CPNE4: variants seen among roughly 807,000 people sequenced by gnomAD.
CPNE4 encodes the protein copine-4.
Under a neutral mutation model 67.9 loss-of-function variants are expected in CPNE4, and 25 were observed. The ratio of observed to expected loss-of-function variants is 0.37; its 90% CI spans 0.27 to 0.51. The LOEUF (loss-of-function observed/expected upper bound fraction) is 0.51. Among genes scored for constraint, CPNE4 ranks in the 20% least tolerant of loss-of-function variants. The pLI is 0.93. For missense variants in CPNE4, 464 were observed against 690.8 expected (o/e 0.67, Z 3.68); for synonymous variants, 242 against 244.9 (o/e 0.99, Z 0.11).
intron 2 of CPNE4, among the ~76,000 whole-genome samples, chr3:131,786,958 C>G (rs1016638154): frequency 2.0e-5 from 3 of 152,112 alleles, no homozygotes; most frequent in Admixed American, 1.3e-4. Context: ...AGCACATGCT[C>G]TCTCTGACTG....
chr3:131,652,011 C>T (rs780414294), intron 7 of CPNE4, among the ~76,000 whole-genome samples: 5 of 152,154 alleles, frequency 3.3e-5, no homozygotes, highest in Non-Finnish European at 7.3e-5. Context: ...TAGGCTTCTC[C>T]CATGCTCTCT....
intron 5 of CPNE4, among the ~76,000 whole-genome samples, chr3:131,686,252 T>C (rs1438358921): frequency 2.6e-5 from 4 of 152,216 alleles, no homozygotes; most frequent in East Asian, 3.8e-4. Flanking sequence ...ACTTGGTTAG[T>C]TGAAATTCAA....
At chr3:131,774,365 G>A (rs1237595779) in intron 2 of CPNE4, among the ~76,000 whole-genome samples, 1 of 151,392 alleles carries the variant, frequency 6.6e-6, no homozygotes. Context: ...CCTCTTTCTT[G>A]TAGACACAGG....
intron 2 of CPNE4, among the ~76,000 whole-genome samples, chr3:131,841,834 A>G (rs940652459): frequency 7.2e-5 from 11 of 152,184 alleles, no homozygotes; most frequent in African/African-American, 2.7e-4. Flanking sequence ...TGCAAAGTAA[A>G]CTATAAACAA....
chr3:131,587,448 G>C (rs768343117), intron 8 of CPNE4, 36 bp downstream of exon 8: 5 of 1,398,338 alleles, frequency 3.6e-6, no homozygotes, highest in Middle Eastern at 1.8e-4. Flanking sequence ...GCATCATACC[G>C]ACTGGAGGCA....
chr3:131,669,699 G>C lies in CPNE4; in HGVS notation c.657C>G (p.Ser219Arg), dbSNP rs570865724. The stretch of plus-strand genomic sequence containing the variant: ...CCTTTAGCCGGCGGTCTGGGTCTCC[G>C]CTGCATAGAGAATTTACAGATACTT... ...SFKVSVNSLC[S>R]GDPDRRLKCI... The change falls in exon 7 of 16, where the codon AGC (serine) becomes AGG (arginine). Residue 219 changes from serine to arginine, a missense_variant. This residue lies in a region of CPNE4 where 58 missense variants were observed against 63.5 expected (regional missense o/e 0.91). Transcript: ENST00000429747. The C allele has an allele frequency of 2.5e-6, 4 of 1,613,540 alleles. No homozygotes were observed. The highest frequency in any genetic ancestry group is 3.4e-6 in the Non-Finnish European group (4 of 1,179,608).
rs756114023 is a variant in CPNE4, at chr3:131,905,338, A to G, written c.106T>C (p.Ser36Pro). ...GGTTTGGAAAGGGCATCTCTGTCAG[A>G]AATGCCTTTGCACGCCACACGCAGC... is the stretch of plus-strand genomic sequence containing the variant. ...VELRVACKGI[S>P]DRDALSKPDP... The change falls in exon 2 of 16, where the codon TCT (serine) becomes CCT (proline). Residue 36 changes from serine to proline, a missense_variant. Coordinates refer to ENST00000429747, the MANE Select transcript of CPNE4 (RefSeq NM_130808.3). The G allele has an allele frequency of 6.2e-7, 1 of 1,613,644 alleles. No individual in the cohort carries two copies. The highest frequency in any genetic ancestry group is 8.5e-7 in the Non-Finnish European group (1 of 1,179,708).
intron 1 of CPNE4, among the ~76,000 whole-genome samples, chr3:131,991,476 C>T (rs1456121863): frequency 7.4e-6 from 1 of 135,772 alleles, no homozygotes; most frequent in Non-Finnish European, 1.7e-5. Flanking sequence ...AGACTGGCAG[C>T]ATTTGCCTTG....
chr3:131,733,585 A>G (rs2082172917), intron 2 of CPNE4, among the ~76,000 whole-genome samples: 2 of 152,148 alleles, frequency 1.3e-5, no homozygotes, highest in African/African-American at 4.8e-5. Flanking sequence ...CTGCCTCACA[A>G]AATTCATGCC....
chr3:131,612,307 G>A (rs539159644), intron 7 of CPNE4, among the ~76,000 whole-genome samples: 2 of 152,310 alleles, frequency 1.3e-5, no homozygotes, highest in Non-Finnish European at 2.9e-5. Context: ...CCAGGAGGTG[G>A]AGGTTGCAGT....
intron 2 of CPNE4, among the ~76,000 whole-genome samples, chr3:131,863,951 A>G (rs2086810629): frequency 6.6e-6 from 1 of 152,212 alleles, no homozygotes; most frequent in African/African-American, 2.4e-5. Context: ...AGCACCATTT[A>G]TTAAATAGGG....
At chr3:131,769,979 G>A (rs1335801617) in intron 2 of CPNE4, among the ~76,000 whole-genome samples, 1 of 152,086 alleles carries the variant, frequency 6.6e-6, no homozygotes, top group African/African-American at 2.4e-5. Context: ...CACTCAAGAT[G>A]AGTTTGCACA....
In CPNE4 at chr3:131,927,214, G is replaced by T. The variant is rs537726238; in HGVS notation, c.-1-21770C>A. On this transcript the variant is annotated intron_variant, in intron 1 of 15. Transcript: ENST00000429747. ...TTGTTTTCTCGTTTGTTTTTTGGTTGGTTTTGTTTTGCTTTTCAGAGAGTC... is the reference window on the plus strand; with the variant it reads ...TTGTTTTCTCGTTTGTTTTTTGGTTTGTTTTGTTTTGCTTTTCAGAGAGTC... Among the ~76,000 whole-genome samples, 7 of 152,178 alleles carry T rather than the reference G, an allele frequency of 4.6e-5. No homozygotes were observed. The East Asian group carries it at 1.4e-3, about 29-fold the overall frequency.
intron 1 of CPNE4, among the ~76,000 whole-genome samples, chr3:131,954,966 G>A (rs1222185415): frequency 1.0e-5 from 1 of 96,846 alleles, no homozygotes; most frequent in African/African-American, 3.5e-5. Flanking sequence ...ACGTATGCAT[G>A]TGAAAAAAAA....
chr3:131,592,348 C>G (rs1582858217), intron 7 of CPNE4, among the ~76,000 whole-genome samples: 1 of 152,190 alleles, frequency 6.6e-6, no homozygotes, highest in East Asian at 1.9e-4. Context: ...ACAACTAACA[C>G]TAGGTAATCC....
At chr3:131,881,755 A>C (rs2107718891) in intron 2 of CPNE4, among the ~76,000 whole-genome samples, 1 of 152,320 alleles carries the variant, frequency 6.6e-6, no homozygotes, top group East Asian at 1.9e-4. Flanking sequence ...AAGAACTGAG[A>C]AAAAGGGAAA....
intron 7 of CPNE4, among the ~76,000 whole-genome samples, chr3:131,604,872 C>A (rs760539749): frequency 2.7e-4 from 41 of 152,090 alleles, no homozygotes; most frequent in Admixed American, 4.6e-4. Context: ...TCAGAGGTCA[C>A]AACTCCCCAA....
intron 6 of CPNE4, among the ~76,000 whole-genome samples, chr3:131,683,635 G>A (rs2107677153): frequency 6.6e-6 from 1 of 152,262 alleles, no homozygotes; most frequent in South Asian, 2.1e-4. Context: ...GAGGGGTGGT[G>A]CAGGCATTCC....
In CPNE4 at chr3:131,723,531, C is replaced by A. The variant is rs775205253; in HGVS notation, c.275G>T (p.Arg92Leu). The A allele has an allele frequency of 6.2e-7, 1 of 1,614,006 alleles. No homozygotes were observed. The change falls in exon 3 of 16, where the codon CGG (arginine) becomes CTG (leucine). Residue 92 changes from arginine to leucine, a missense_variant. By Grantham distance (102) the Arg-to-Leu change is moderately radical (BLOSUM62 -2). Coordinates refer to ENST00000429747, the MANE Select transcript of CPNE4 (RefSeq NM_130808.3). ...GCTGCTGATGTCATGGACTTCAAAC[C>A]GCAGGCGCTGCACCTCCTCAAAGTA... ...DFYFEEVQRL[R>L]FEVHDISSNH...
Sources: allele counts gnomAD v4.1 joint callset (sites outside exome capture counted in the v4.1 genomes callset), GRCh38; gene constraint gnomAD v4.1.1; regional missense constraint gnomAD v4.1.1; transcripts MANE v1.5; gene names NCBI Gene and HGNC (gene_info 2026-07-23, HGNC 2026-07-21).